NMT2: variants seen among roughly 807,000 people sequenced by gnomAD.
The protein encoded by NMT2 is N-myristoyltransferase 2, also known as glycylpeptide N-tetradecanoyltransferase 2.
In NMT2, 35 loss-of-function variants were observed where a neutral mutation model predicts 65.4. The ratio of observed to expected loss-of-function variants is 0.54; its 90% confidence interval spans 0.41 to 0.71. The LOEUF (loss-of-function observed/expected upper bound fraction) is 0.71, where lower values mean the gene tolerates loss of function less well. Among genes scored for constraint, NMT2 ranks in the 30% least tolerant of loss-of-function variants. The pLI, the probability that NMT2 is intolerant of heterozygous loss-of-function variation, is 0.00. For missense variants in NMT2, 489 were observed against 611.3 expected (o/e 0.80, Z 2.11); for synonymous variants, 226 against 231.8 (o/e 0.98, Z 0.23).
intron 1 of NMT2, among the ~76,000 whole-genome samples, chr10:15,142,626 G>C (rs1846816418): frequency 1.3e-5 from 2 of 152,196 alleles, no homozygotes; most frequent in African/African-American, 4.8e-5. Flanking sequence ...AGAAAACAGT[G>C]CTTATTTTGG....
rs112874536 is a variant in NMT2, at chr10:15,158,315, C to CA, written c.110+10187dup. On this transcript the variant is annotated intron_variant, in intron 1 of 11. Transcript: ENST00000378165. ...TGGGTAACAGAGAGATACTCTGTCTCAAAAAAAAAAAAAAGAAAAATACAT... is the reference window on the plus strand; with the variant it reads ...TGGGTAACAGAGAGATACTCTGTCTCAAAAAAAAAAAAAAAGAAAAATACAT... Among the ~76,000 whole-genome samples the CA allele has an allele frequency of 7.1e-3, 790 of 111,136 alleles. 1 individual carries two copies. Among genetic ancestry groups the CA allele is most frequent in the East Asian group, 0.021 (77 of 3,630 alleles). 72.9% of individuals were successfully genotyped at this position (111,136 alleles called of 152,430 possible).
At chr10:15,140,789 T>A (rs1467289650) in intron 2 of NMT2, among the ~76,000 whole-genome samples, 1 of 152,212 alleles carries the variant, frequency 6.6e-6, no homozygotes, top group Non-Finnish European at 1.5e-5. Context: ...CAGGGATGGC[T>A]GCCATCTGTG....
chr10:15,164,762 G>T (rs990526295), intron 1 of NMT2, among the ~76,000 whole-genome samples: 2 of 152,102 alleles, frequency 1.3e-5, no homozygotes, highest in Non-Finnish European at 2.9e-5. Flanking sequence ...TCCAGGCCGG[G>T]CACCATGGCC....
At chr10:15,119,579 C>T (rs1014887994) in intron 8 of NMT2, 66 bp from the exon 9 acceptor site, 3 of 1,420,946 alleles carry the variant, frequency 2.1e-6, no homozygotes, top group Non-Finnish European at 3.0e-6. Context: ...CGACTTTGCA[C>T]TCAAAGTGTG....
intron 1 of NMT2, among the ~76,000 whole-genome samples, chr10:15,147,095 C>CAAAAAAAAAAAAAAAAAAAAA (rs34668178): frequency 9.0e-5 from 4 of 44,516 alleles, no homozygotes; most frequent in African/African-American, 2.2e-4. Flanking sequence ...CTCTCGCTCT[C>CAAAAAAAAAAAAAAAAAAAAA]AAAAAAAAAA....
chr10:15,117,784 TC>T (rs1845793205), intron 9 of NMT2, among the ~76,000 whole-genome samples: 1 of 152,162 alleles, frequency 6.6e-6, no homozygotes, highest in Non-Finnish European at 1.5e-5. Flanking sequence ...ACCATTATAA[TC>T]GCCCCAAAGA....
chr10:15,126,825 T>C (rs186867486), intron 8 of NMT2, among the ~76,000 whole-genome samples: 16 of 152,362 alleles, frequency 1.1e-4, no homozygotes, highest in Admixed American at 8.5e-4. Flanking sequence ...ATAATAAATG[T>C]TGTTTTAAGC....
intron 6 of NMT2, among the ~76,000 whole-genome samples, chr10:15,131,581 AC>A (rs1321526446): frequency 1.4e-4 from 21 of 152,150 alleles, no homozygotes; most frequent in African/African-American, 5.1e-4. Flanking sequence ...CTTTGAGCAG[AC>A]CAGAGCTGGT....
At chr10:15,112,189 TATATATATATATATATATATATATATA>T (rs1305694893) in intron 10 of NMT2, among the ~76,000 whole-genome samples, 3 of 10,808 alleles carry the variant, frequency 2.8e-4, no homozygotes, top group East Asian at 4.3e-3. Context: ...TATATATATA[TATATATATATATATATATATATATATA>T]TTTTTTTTTT....
In NMT2 at chr10:15,108,735, C is replaced by T. The variant is rs2131453561; in HGVS notation, c.*460G>A. On this transcript the variant is annotated 3_prime_UTR_variant, in exon 12 of 12. Coordinates refer to ENST00000378165, the MANE Select transcript of NMT2 (RefSeq NM_004808.3). Reference sequence around the variant, plus strand: ...CCCAGTGATACCATGTAAGGTGATACCAGTAAAAAAAATTTCCAAATGGAT... The same window carrying T: ...CCCAGTGATACCATGTAAGGTGATATCAGTAAAAAAAATTTCCAAATGGAT... 1 of 1,020,022 alleles carries T rather than the reference C, an allele frequency of 9.8e-7. No homozygotes were observed. Among genetic ancestry groups the T allele is most frequent in the African/African-American group, 1.7e-5 (1 of 57,502 alleles). 63.2% of individuals were successfully genotyped at this position (1,020,022 alleles called of 1,614,324 possible). A position where few individuals can be genotyped will look rare whatever the true frequency, so the allele number is the denominator to read the frequency against.
At chr10:15,144,724 C>T (rs1846902361) in intron 1 of NMT2, among the ~76,000 whole-genome samples, 1 of 151,788 alleles carries the variant, frequency 6.6e-6, no homozygotes, top group South Asian at 2.1e-4. Context: ...GAGCGAGACT[C>T]CGTCTCAAAA....
intron 10 of NMT2, among the ~76,000 whole-genome samples, chr10:15,110,389 A>G (rs1167412222): frequency 6.6e-6 from 1 of 152,040 alleles, no homozygotes; most frequent in African/African-American, 2.4e-5. Context: ...CCAAGGTGGG[A>G]GGCTCACTGG....
rs932813679 is a variant in NMT2, at chr10:15,108,562, C to G, written c.*633G>C. The G allele has an allele frequency of 1.0e-6, 1 of 985,930 alleles. No individual in the cohort carries two copies. Among genetic ancestry groups the G allele is most frequent in the Non-Finnish European group, 1.2e-6 (1 of 830,354 alleles). 61.1% of individuals were successfully genotyped at this position (985,930 alleles called of 1,614,324 possible). ...AGCAATCCACTGACCTGGTAAAGATCAAAGTACAAACTTGCATGTTTATTG... is the reference window on the plus strand; with the variant it reads ...AGCAATCCACTGACCTGGTAAAGATGAAAGTACAAACTTGCATGTTTATTG... On this transcript the variant is annotated 3_prime_UTR_variant, in exon 12 of 12. Transcript: ENST00000378165.
chr10:15,108,086 T>C lies in NMT2; in HGVS notation c.*1109A>G. The C allele has an allele frequency of 1.0e-6, 1 of 985,648 alleles. No homozygotes were observed. The highest frequency in any genetic ancestry group is 1.2e-6 in the Non-Finnish European group (1 of 829,912). 61.1% of individuals were successfully genotyped at this position (985,648 alleles called of 1,614,324 possible). On this transcript the variant is annotated 3_prime_UTR_variant, in exon 12 of 12. Coordinates refer to ENST00000378165, the MANE Select transcript of NMT2 (RefSeq NM_004808.3). ...CCAGGCATCTCTTTTGACTTTACAGTTTTTTATTTCCTTTTCTTCATATAT... is the reference window on the plus strand; with the variant it reads ...CCAGGCATCTCTTTTGACTTTACAGCTTTTTATTTCCTTTTCTTCATATAT...
At chr10:15,163,949 G>A (rs1176574250) in intron 1 of NMT2, among the ~76,000 whole-genome samples, 1 of 152,138 alleles carries the variant, frequency 6.6e-6, no homozygotes, top group Non-Finnish European at 1.5e-5. Context: ...GGAGGCCGAG[G>A]CGGGCGGATC....
chr10:15,139,488 G>A (rs1178398250), intron 2 of NMT2, among the ~76,000 whole-genome samples: 1 of 152,122 alleles, frequency 6.6e-6, no homozygotes, highest in Admixed American at 6.5e-5. Flanking sequence ...AAAGCAACAG[G>A]AGATGTCCAC....
At position 15,162,973 on chromosome 10, in the gene NMT2, C is replaced by T. The variant is rs1588464795; in HGVS notation, c.110+5530G>A. Among the ~76,000 whole-genome samples the T allele has an allele frequency of 2.0e-5, 3 of 151,150 alleles. No homozygotes were observed. In the East Asian group the frequency reaches 5.8e-4, roughly 29 times the overall value. ...TTTAGACAGAGTCTCATTCTGTTGC[C>T]CAGGCTGGAGTACAGTAGTGCGATC... On this transcript the variant is annotated intron_variant, in intron 1 of 11. Coordinates refer to ENST00000378165, the MANE Select transcript of NMT2 (RefSeq NM_004808.3).
chr10:15,108,508 T>A lies in NMT2; in HGVS notation c.*687A>T, dbSNP rs1845393782. 1 of 985,582 alleles carries A rather than the reference T, an allele frequency of 1.0e-6. No homozygotes were observed. The highest frequency in any genetic ancestry group is 4.7e-5 in the South Asian group (1 of 21,300). 61.1% of individuals were successfully genotyped at this position (985,582 alleles called of 1,614,324 possible). ...CCTCAGGCTCTTTCAGAGAGCACAG[T>A]GAGTGCTTGCACAAAACTCTGCTTT... On this transcript the variant is annotated 3_prime_UTR_variant, in exon 12 of 12. Coordinates refer to ENST00000378165, the MANE Select transcript of NMT2 (RefSeq NM_004808.3).
chr10:15,165,089 G>C (rs1432138709), intron 1 of NMT2, among the ~76,000 whole-genome samples: 1 of 151,920 alleles, frequency 6.6e-6, no homozygotes, highest in African/African-American at 2.4e-5. Context: ...CTTGAACCCG[G>C]GAGGTGGAGG....
Sources: allele counts gnomAD v4.1 joint callset (sites outside exome capture counted in the v4.1 genomes callset), GRCh38; gene constraint gnomAD v4.1.1; transcripts MANE v1.5; gene names NCBI Gene and HGNC (gene_info 2026-07-23, HGNC 2026-07-21).